The following DOC2B variants were observed in gnomAD, a reference collection of about 807,000 sequenced individuals.
The protein encoded by DOC2B is double C2-like domain-containing protein beta.
Under a neutral mutation model 28.9 loss-of-function variants are expected in DOC2B, and 21 were observed. That is an observed-to-expected ratio of 0.73 (90% CI 0.52 to 1.05). The LOEUF is 1.05. DOC2B is among the 50% of genes least tolerant of loss of function. DOC2B has a pLI of 0.00. For synonymous variants in DOC2B, 194 were observed against 178.1 expected, an observed-to-expected ratio of 1.09 and a Z score of -0.71; for missense variants, 384 against 421.1, an observed-to-expected ratio of 0.91 and a Z score of 0.77.
rs1430684132 is a variant in DOC2B at position 147,274 on chromosome 17, T to A, written c.*167A>T. The A allele has an allele frequency of 5.1e-6, 2 of 395,424 alleles. No individual in the cohort carries two copies. The highest frequency in any genetic ancestry group is 8.9e-6 in the Non-Finnish European group (2 of 224,660). 24.5% of individuals were successfully genotyped at this position (395,424 alleles called of 1,614,324 possible). On this transcript the variant is annotated 3_prime_UTR_variant, in exon 9 of 9. Transcript: ENST00000613549. ...CTTGCCCTCCCCGTCCCAGAGTGGC[T>A]GAGCCCTCCACATCCTCCGAGCGGG...
chr17:169,719 G>T (rs1208729113), intron 2 of DOC2B, among the ~76,000 whole-genome samples: 2 of 151,978 alleles, frequency 1.3e-5, no homozygotes, highest in Admixed American at 1.3e-4. Flanking sequence ...GCACCCCAGG[G>T]TGTCCAGCCC....
Sources: gnomAD v4.1 joint callset for allele counts (sites outside exome capture counted in the v4.1 genomes callset) on GRCh38, gnomAD v4.1.1 for gene constraint, MANE v1.5 for transcripts, NCBI Gene and HGNC (gene_info 2026-07-23, HGNC 2026-07-21) for gene names.